The following ARMC8 variants were observed in gnomAD, a reference collection of about 807,000 sequenced individuals.
ARMC8 encodes the protein armadillo repeat-containing protein 8.
In ARMC8, 20 loss-of-function variants were observed where a neutral mutation model predicts 99.3. The observed-to-expected ratio is 0.20, with a 90% CI of 0.14 to 0.29. The LOEUF (loss-of-function observed/expected upper bound fraction) is 0.29, where lower values mean the gene tolerates loss of function less well. ARMC8 is among the 10% of genes least tolerant of loss of function. ARMC8 has a pLI of 1.00. For missense variants in ARMC8, 569 were observed against 809.5 expected, an observed-to-expected ratio of 0.70 and a Z score of 3.60; for synonymous variants, 263 against 278.3, an observed-to-expected ratio of 0.95 and a Z score of 0.55.
intron 1 of ARMC8, among the ~76,000 whole-genome samples, chr3:138,190,584 C>T (rs2043327860): frequency 2.0e-5 from 3 of 152,134 alleles, no homozygotes; most frequent in Admixed American, 2.0e-4. Flanking sequence ...CCACTGCACC[C>T]GGCCGAGATT....
At position 138,276,443 on chromosome 3, in the gene ARMC8, A is replaced by G. The variant is rs749870616; in HGVS notation, c.1725+1899A>G. On this transcript the variant is annotated intron_variant, in intron 18 of 21. Coordinates refer to ENST00000469044, the MANE Select transcript of ARMC8 (RefSeq NM_001363941.2). ...TCCATTTGTACCACTCCTGTTCAAC[A>G]TTGTGCTGGAATTCCTACCAAGCAC... Among the ~76,000 whole-genome samples the G allele has an allele frequency of 1.2e-3, 177 of 152,310 alleles. 4 individuals are homozygous for G. Among genetic ancestry groups the G allele is most frequent in the Non-Finnish European group, 3.5e-4 (24 of 68,024 alleles).
Position 138,274,555 on chromosome 3 carries a change from C to G in ARMC8, c.1725+11C>G. 6.3e-7 allele frequency: 1 copy of G among 1,588,426 alleles called. No homozygotes were observed. The highest frequency in any genetic ancestry group is 8.6e-7 in the Non-Finnish European group (1 of 1,158,182). Reference sequence around the variant, plus strand: ...GAGGTCAAAGAGCAGGTACGTTGTTCCTTTCTCTTGGGGAATATTTTCTGA... The same window carrying G: ...GAGGTCAAAGAGCAGGTACGTTGTTGCTTTCTCTTGGGGAATATTTTCTGA... On this transcript the variant is annotated intron_variant, in intron 18 of 21. Transcript: ENST00000469044.
intron 21 of ARMC8, among the ~76,000 whole-genome samples, chr3:138,294,245 G>T (rs1398252902): frequency 6.6e-6 from 1 of 152,144 alleles, no homozygotes; most frequent in Non-Finnish European, 1.5e-5. Context: ...TTGATCCTTT[G>T]ACTTTCAGAT....
intron 1 of ARMC8, among the ~76,000 whole-genome samples, chr3:138,190,403 C>G (rs775578343): frequency 6.6e-6 from 1 of 151,136 alleles, no homozygotes; most frequent in Non-Finnish European, 1.5e-5. Flanking sequence ...TCTCCTGCCT[C>G]AGTCTCCTGA....
intron 12 of ARMC8, among the ~76,000 whole-genome samples, chr3:138,262,762 GT>G (rs2047882128): frequency 6.6e-6 from 1 of 152,098 alleles, no homozygotes; most frequent in African/African-American, 2.4e-5. Flanking sequence ...ATTCTCCCAG[GT>G]GAGAGTAACG....
chr3:138,262,333 A>T, intron 12 of ARMC8: 1 of 590,252 alleles, frequency 1.7e-6, no homozygotes, highest in Admixed American at 3.0e-5. Context: ...GTAGATCAAT[A>T]TGTAAATGTT....
At chr3:138,288,480 T>C (rs1056611498) in intron 19 of ARMC8, among the ~76,000 whole-genome samples, 1 of 152,200 alleles carries the variant, frequency 6.6e-6, no homozygotes, top group Non-Finnish European at 1.5e-5. Flanking sequence ...AGATGGTTTT[T>C]TAAATTTGAA....
At chr3:138,256,654 C>T (rs9860723) in intron 12 of ARMC8, among the ~76,000 whole-genome samples, 45 of 152,222 alleles carry the variant, frequency 3.0e-4, no homozygotes, top group Non-Finnish European at 5.0e-4. Flanking sequence ...TCGTGATCTG[C>T]CCGCCTCGGC....
chr3:138,250,583 G>A (rs2047077742), intron 12 of ARMC8, among the ~76,000 whole-genome samples: 1 of 152,112 alleles, frequency 6.6e-6, no homozygotes, highest in African/African-American at 2.4e-5. Flanking sequence ...CCTCCAAAGT[G>A]TATTAATAAT....
At chr3:138,212,128 A>T (rs574673939) in intron 2 of ARMC8, among the ~76,000 whole-genome samples, 71 of 152,238 alleles carry the variant, frequency 4.7e-4, no homozygotes, top group African/African-American at 1.7e-3. Flanking sequence ...TTTATCTCAG[A>T]GTAATACTGA....
chr3:138,255,328 A>G (rs1481922912), intron 12 of ARMC8, among the ~76,000 whole-genome samples: 1 of 148,138 alleles, frequency 6.8e-6, no homozygotes, highest in Non-Finnish European at 1.5e-5. Flanking sequence ...TCAGCCTCCC[A>G]AGTAGCTGGG....
At chr3:138,238,671 G>A (rs1576725699) in intron 9 of ARMC8, 1 of 152,112 alleles carries the variant, frequency 6.6e-6, no homozygotes, top group Admixed American at 6.5e-5. Context: ...AAAACAATAT[G>A]GTAACAAGCC....
chr3:138,264,728 T>G lies in ARMC8; in HGVS notation c.1299+516T>G, dbSNP rs2048110115. ...CCACTGCGCCCAGCCAGGCCTGATT[T>G]TCTTTTATTAACTAAGCTTTAGTTA... On this transcript the variant is annotated intron_variant, in intron 14 of 21. Coordinates refer to ENST00000469044, the MANE Select transcript of ARMC8 (RefSeq NM_001363941.2). 2.0e-5 allele frequency among the ~76,000 whole-genome samples: 3 copies of G among 150,932 alleles called. No homozygotes were observed. In the South Asian group the frequency reaches 6.2e-4, roughly 31 times the overall value.
At chr3:138,197,413 A>C (rs1465608603) in intron 1 of ARMC8, among the ~76,000 whole-genome samples, 1 of 152,232 alleles carries the variant, frequency 6.6e-6, no homozygotes, top group Non-Finnish European at 1.5e-5. Flanking sequence ...AAGGTGTGCC[A>C]TGAAAGATGG....
intron 1 of ARMC8, among the ~76,000 whole-genome samples, chr3:138,206,086 A>G (rs1400302438): frequency 6.6e-6 from 1 of 152,212 alleles, no homozygotes; most frequent in Non-Finnish European, 1.5e-5. Flanking sequence ...TTTGTTGCAA[A>G]AATAGCAAGT....
intron 2 of ARMC8, among the ~76,000 whole-genome samples, chr3:138,212,218 C>T (rs2044734630): frequency 6.6e-6 from 1 of 151,472 alleles, no homozygotes; most frequent in South Asian, 2.1e-4. Context: ...TGACTTCTTT[C>T]TTAAACTTTG....
intron 16 of ARMC8, among the ~76,000 whole-genome samples, chr3:138,270,599 A>G (rs1027580355): frequency 1.3e-5 from 2 of 152,208 alleles, no homozygotes; most frequent in Non-Finnish European, 2.9e-5. Flanking sequence ...TTTATAAAGT[A>G]CAACATGATG....
chr3:138,215,383 AT>A (rs2044959151), intron 2 of ARMC8, among the ~76,000 whole-genome samples: 1 of 151,716 alleles, frequency 6.6e-6, no homozygotes, highest in Non-Finnish European at 1.5e-5. Context: ...TGCCCGGCTA[AT>A]TTTTTGTATT....
At position 138,237,487 on chromosome 3, in the gene ARMC8, G is replaced by A. The variant is rs1394446197; in HGVS notation, c.691G>A (p.Val231Ile). The A allele has an allele frequency of 1.2e-6, 2 of 1,613,586 alleles. No individual in the cohort carries two copies. The highest frequency in any genetic ancestry group is 1.3e-5 in the African/African-American group (1 of 74,898). ...GTTGTTTGTTTTATTTCTAGTTTTG[G>A]TTGATGGAGAATTGTTACCACAGAT... ...QVSMTLVNVL[V>I]DGELLPQIFV... Residue 231 changes from valine (V) to isoleucine (I), a missense_variant, in exon 9 of 22, where the codon GTT (valine) becomes ATT (isoleucine). Val to Ile is a conservative substitution (Grantham distance 29). Coordinates refer to ENST00000469044, the MANE Select transcript of ARMC8 (RefSeq NM_001363941.2).
Sources: gnomAD v4.1 joint callset for allele counts (sites outside exome capture counted in the v4.1 genomes callset) on GRCh38, gnomAD v4.1.1 for gene constraint, MANE v1.5 for transcripts, NCBI Gene and HGNC (gene_info 2026-07-23, HGNC 2026-07-21) for gene names.